The following ARHGAP26 variants were observed in gnomAD, a reference collection of about 807,000 sequenced individuals.
ARHGAP26 encodes the protein Rho GTPase activating protein 26.
Under a neutral mutation model 104.8 loss-of-function variants are expected in ARHGAP26, and 38 were observed. The observed-to-expected ratio is 0.36, with a 90% confidence interval of 0.28 to 0.48. The LOEUF is 0.48. Among genes scored for constraint, ARHGAP26 ranks in the 20% least tolerant of loss-of-function variants. ARHGAP26 has a pLI of 0.99. For synonymous variants in ARHGAP26, 341 were observed against 340.0 expected, an observed-to-expected ratio of 1.00 and a Z score of -0.03; for missense variants, 704 against 947.9, an observed-to-expected ratio of 0.74 and a Z score of 3.38.
At chr5:143,096,662 T>C (rs551272123) in intron 17 of ARHGAP26, among the ~76,000 whole-genome samples, 183 of 152,066 alleles carry the variant, frequency 1.2e-3, no homozygotes, top group African/African-American at 3.8e-3. Context: ...ATAATTTTGC[T>C]CATTTATCAA....
At chr5:143,042,472 A>G (rs1196626503) in intron 14 of ARHGAP26, among the ~76,000 whole-genome samples, 2 of 152,228 alleles carry the variant, frequency 1.3e-5, no homozygotes, top group African/African-American at 4.8e-5. Flanking sequence ...CAGTGTCTCC[A>G]AATGTGCAGT....
chr5:142,809,549 C>T (rs1313539146), intron 1 of ARHGAP26, among the ~76,000 whole-genome samples: 1 of 152,108 alleles, frequency 6.6e-6, no homozygotes. Context: ...GGTTCAGGGG[C>T]CAAAAGTCCT....
At chr5:143,193,240 C>CT (rs57462040) in intron 20 of ARHGAP26, among the ~76,000 whole-genome samples, 11,523 of 74,566 alleles carry the variant, frequency 0.15, 1,303 homozygotes, top group African/African-American at 0.27. Flanking sequence ...ATTTTCTTTT[C>CT]TTTTTTTTTT....
rs978136016 is a variant in ARHGAP26 at position 143,225,481 on chromosome 5, G to A, written c.*3035G>A. The A allele has an allele frequency of 3.0e-5, 6 of 201,380 alleles. No individual in the cohort carries two copies. Among genetic ancestry groups the A allele is most frequent in the Admixed American group, 6.0e-5 (1 of 16,614 alleles). The allele number at this position is 201,380 out of a possible 1,614,324, so 12.5% of individuals were successfully genotyped here. On this transcript the variant is annotated 3_prime_UTR_variant, in exon 23 of 23. Coordinates refer to ENST00000645722, the MANE Select transcript of ARHGAP26 (RefSeq NM_001135608.3). ...TGGGATTCCAGGTGTGAGCCGCTGCGGCCGACCACATTTGATGTTTGAAGT... is the reference window on the plus strand; with the variant it reads ...TGGGATTCCAGGTGTGAGCCGCTGCAGCCGACCACATTTGATGTTTGAAGT...
intron 1 of ARHGAP26, among the ~76,000 whole-genome samples, chr5:142,873,025 G>A (rs2152356171): frequency 6.6e-6 from 1 of 152,196 alleles, no homozygotes; most frequent in East Asian, 1.9e-4. Context: ...CTGACTGTGT[G>A]GAGGGTCAGT....
chr5:142,900,945 T>C lies in ARHGAP26; in HGVS notation c.598-990T>C, dbSNP rs1760245204. 3.3e-5 allele frequency among the ~76,000 whole-genome samples: 5 copies of C among 152,210 alleles called. No homozygotes were observed. In the South Asian group the frequency reaches 1.0e-3, roughly 32 times the overall value. On this transcript the variant is annotated intron_variant, in intron 6 of 22. Transcript: ENST00000645722. Reference sequence around the variant, plus strand: ...CCAAATACCATGGAGCTGTGCTTTGTGATAGAGGTGAGGCACTGGTCTTTC... The same window carrying C: ...CCAAATACCATGGAGCTGTGCTTTGCGATAGAGGTGAGGCACTGGTCTTTC...
chr5:142,988,514 A>G (rs1775112842), intron 11 of ARHGAP26, among the ~76,000 whole-genome samples: 1 of 151,658 alleles, frequency 6.6e-6, no homozygotes. Context: ...GATCTTAGTT[A>G]TTTCTTGCCT....
chr5:143,175,883 G>A (rs1803408597), intron 20 of ARHGAP26, among the ~76,000 whole-genome samples: 1 of 152,202 alleles, frequency 6.6e-6, no homozygotes, highest in Admixed American at 6.5e-5. Context: ...GGAGGGTGAG[G>A]CAGGTGGATC....
chr5:143,178,958 C>T (rs1485784523), intron 20 of ARHGAP26, among the ~76,000 whole-genome samples: 1 of 152,068 alleles, frequency 6.6e-6, no homozygotes, highest in Non-Finnish European at 1.5e-5. Flanking sequence ...CAACTTCCGC[C>T]TCCCGGGTTC....
At position 142,856,541 on chromosome 5, in the gene ARHGAP26, G is replaced by A. The variant is rs1384346695; in HGVS notation, c.155-16859G>A. On this transcript the variant is annotated intron_variant, in intron 1 of 22. Coordinates refer to ENST00000645722, the MANE Select transcript of ARHGAP26 (RefSeq NM_001135608.3). Reference sequence around the variant, plus strand: ...GCTCCCTAAGGAGGGAGGTGTATTAGCCTCTTTAGGCTGACATCACAAATT... The same window carrying A: ...GCTCCCTAAGGAGGGAGGTGTATTAACCTCTTTAGGCTGACATCACAAATT... Among the ~76,000 whole-genome samples, 3 of 152,138 alleles carry A rather than the reference G, an allele frequency of 2.0e-5. No homozygotes were observed. In the East Asian group the frequency reaches 5.8e-4, roughly 29 times the overall value.
intron 1 of ARHGAP26, among the ~76,000 whole-genome samples, chr5:142,817,229 T>C (rs957711250): frequency 2.6e-5 from 4 of 151,734 alleles, no homozygotes; most frequent in Admixed American, 2.0e-4. Context: ...AGGGGGAAGG[T>C]GGAGGTGCTG....
At chr5:143,098,854 G>A (rs1444168898) in intron 17 of ARHGAP26, among the ~76,000 whole-genome samples, 2 of 152,058 alleles carry the variant, frequency 1.3e-5, no homozygotes, top group East Asian at 1.9e-4. Flanking sequence ...CAATAAATAG[G>A]GTTAGTGTTA....
At chr5:142,869,175 CTTTCT>C (rs140371844) in intron 1 of ARHGAP26, among the ~76,000 whole-genome samples, 12,043 of 150,102 alleles carry the variant, frequency 0.08, 714 homozygotes, top group East Asian at 0.17. Flanking sequence ...GCTGTAATCA[CTTTCT>C]TTTCTTTTCT....
chr5:142,792,284 C>T (rs1256462094), intron 1 of ARHGAP26, among the ~76,000 whole-genome samples: 1 of 152,206 alleles, frequency 6.6e-6, no homozygotes, highest in Non-Finnish European at 1.5e-5. Context: ...TGGGCCTTAA[C>T]AGGAATTTAG....
At chr5:142,903,918 T>A (rs111303163) in intron 8 of ARHGAP26, among the ~76,000 whole-genome samples, 2,262 of 152,258 alleles carry the variant, frequency 0.015, 65 homozygotes, top group African/African-American at 0.052. Context: ...CTTCTCTCTC[T>A]AATGTTACTC....
chr5:143,201,680 G>A (rs554529201), intron 20 of ARHGAP26, among the ~76,000 whole-genome samples: 14 of 152,278 alleles, frequency 9.2e-5, no homozygotes, highest in African/African-American at 3.1e-4. Context: ...TCACATATGT[G>A]TTCTATGAGT....
intron 22 of ARHGAP26, among the ~76,000 whole-genome samples, chr5:143,215,586 A>C (rs1810216985): frequency 6.6e-6 from 1 of 152,174 alleles, no homozygotes; most frequent in African/African-American, 2.4e-5. Context: ...CATCACCCCC[A>C]AAAGAAACCC....
In ARHGAP26 at chr5:142,903,317, A is replaced by G. The variant is rs1045421019; in HGVS notation, c.703-223A>G. On this transcript the variant is annotated intron_variant, in intron 7 of 22. Coordinates refer to ENST00000645722, the MANE Select transcript of ARHGAP26 (RefSeq NM_001135608.3). ...TGAGGGCTGGGCATTTGCATTTTCT[A>G]TAAGATCCCTAGGTGATTTTGATAG... Among the ~76,000 whole-genome samples, 25 of 152,210 alleles carry G rather than the reference A, an allele frequency of 1.6e-4. 1 individual carries two copies. Among genetic ancestry groups the G allele is most frequent in the Admixed American group, 7.2e-4 (11 of 15,286 alleles).
intron 4 of ARHGAP26, among the ~76,000 whole-genome samples, chr5:142,883,066 G>C (rs762157351): frequency 2.0e-5 from 3 of 152,148 alleles, no homozygotes; most frequent in Non-Finnish European, 4.4e-5. Context: ...CTTTTTTGCT[G>C]CAGAGGTCTT....
Sources: allele counts gnomAD v4.1 joint callset (sites outside exome capture counted in the v4.1 genomes callset), GRCh38; gene constraint gnomAD v4.1.1; transcripts MANE v1.5; gene names NCBI Gene and HGNC (gene_info 2026-07-23, HGNC 2026-07-21).